HS3ST3A1: variants seen among roughly 807,000 people sequenced by gnomAD.
HS3ST3A1 encodes the protein heparan sulfate glucosamine 3-O-sulfotransferase 3A1.
In HS3ST3A1, 19 loss-of-function variants were observed where a neutral mutation model predicts 25.7. The observed-to-expected ratio is 0.74, with a 90% CI of 0.52 to 1.08. The LOEUF (loss-of-function observed/expected upper bound fraction) is 1.08. HS3ST3A1 is among the 50% of genes least tolerant of loss of function. HS3ST3A1 has a pLI of 0.00. For synonymous variants in HS3ST3A1, 226 were observed against 278.6 expected, an observed-to-expected ratio of 0.81 and a Z score of 1.88; for missense variants, 459 against 594.3, an observed-to-expected ratio of 0.77 and a Z score of 2.37.
intron 1 of HS3ST3A1, among the ~76,000 whole-genome samples, chr17:13,577,729 A>G (rs890896783): frequency 2.0e-5 from 3 of 152,242 alleles, no homozygotes; most frequent in Admixed American, 1.3e-4. Context: ...AATTAATGGC[A>G]AAGCCACGGC....
chr17:13,573,893 T>C (rs867730081), intron 1 of HS3ST3A1, among the ~76,000 whole-genome samples: 13 of 152,162 alleles, frequency 8.5e-5, no homozygotes, highest in African/African-American at 2.9e-4. Context: ...TATGTGAGAA[T>C]ACACAAGAAG....
At chr17:13,567,935 G>A (rs1344167446) in intron 1 of HS3ST3A1, among the ~76,000 whole-genome samples, 3 of 152,192 alleles carry the variant, frequency 2.0e-5, no homozygotes, top group Non-Finnish European at 2.9e-5. Flanking sequence ...GGATTTGAGA[G>A]GACTGACTCC....
At chr17:13,541,470 T>C (rs1215035606) in intron 1 of HS3ST3A1, among the ~76,000 whole-genome samples, 1 of 152,152 alleles carries the variant, frequency 6.6e-6, no homozygotes, top group South Asian at 2.1e-4. Flanking sequence ...GGTACACACA[T>C]TGGGAATGGA....
chr17:13,581,146 C>T (rs1598432425), intron 1 of HS3ST3A1, among the ~76,000 whole-genome samples: 1 of 152,062 alleles, frequency 6.6e-6, no homozygotes, highest in East Asian at 1.9e-4. Flanking sequence ...CATTTCAATA[C>T]AAGCATTACA....
chr17:13,590,839 A>G (rs1346574017), intron 1 of HS3ST3A1, among the ~76,000 whole-genome samples: 1 of 152,160 alleles, frequency 6.6e-6, no homozygotes, highest in Admixed American at 6.5e-5. Context: ...TCCAAAGGTG[A>G]AAATATGGAA....
chr17:13,540,921 T>G (rs370864255), intron 1 of HS3ST3A1, among the ~76,000 whole-genome samples: 1 of 152,238 alleles, frequency 6.6e-6, no homozygotes, highest in Admixed American at 6.5e-5. Flanking sequence ...TCATTTGAAC[T>G]AGGAGTTCTA....
At position 13,601,155 on chromosome 17, in the gene HS3ST3A1, C is replaced by A. The variant is rs772588528; in HGVS notation, c.-26G>T. On this transcript the variant is annotated 5_prime_UTR_variant, in exon 1 of 2. Transcript: ENST00000284110. The stretch of plus-strand genomic sequence containing the variant: ...CCTAGCCGGAGGCGACGTCGGGCAA[C>A]GCGCCGGCCATGCTAGGCCTGGACC... 6 of 1,484,058 alleles carry A rather than the reference C, an allele frequency of 4.0e-6. No individual in the cohort carries two copies. In the East Asian group the frequency reaches 1.3e-4, roughly 33 times the overall value. 91.9% of individuals were successfully genotyped at this position (1,484,058 alleles called of 1,614,324 possible).
chr17:13,504,466 T>C (rs1905590138), intron 1 of HS3ST3A1, among the ~76,000 whole-genome samples: 1 of 152,162 alleles, frequency 6.6e-6, no homozygotes, highest in South Asian at 2.1e-4. Flanking sequence ...AAAATGGTGG[T>C]TACCCTTAGG....
rs11440630 is a variant in HS3ST3A1, at chr17:13,522,231, T to TAAA, written c.600-25416_600-25414dup. Among the ~76,000 whole-genome samples the TAAA allele has an allele frequency of 5.7e-4, 84 of 148,298 alleles. No homozygotes were observed. The South Asian group carries it at 7.5e-3, about 13-fold the overall frequency. ...TGCAGATAAATAACATGGATTATGGTAAAAAAAAAAAAGTTAACAATACCG... is the reference window on the plus strand; with the variant it reads ...TGCAGATAAATAACATGGATTATGGTAAAAAAAAAAAAAAAGTTAACAATACCG... On this transcript the variant is annotated intron_variant, in intron 1 of 1. Coordinates refer to ENST00000284110, the MANE Select transcript of HS3ST3A1 (RefSeq NM_006042.3).
intron 1 of HS3ST3A1, among the ~76,000 whole-genome samples, chr17:13,520,539 G>A (rs936531415): frequency 2.0e-5 from 3 of 152,084 alleles, no homozygotes; most frequent in Non-Finnish European, 4.4e-5. Flanking sequence ...ATCCCAACCA[G>A]TCTATGTCTG....
chr17:13,596,035 C>A (rs927465446), intron 1 of HS3ST3A1, among the ~76,000 whole-genome samples: 2 of 152,120 alleles, frequency 1.3e-5, no homozygotes, highest in African/African-American at 4.8e-5. Flanking sequence ...CCTGGCCAAT[C>A]AACAGACTTA....
At chr17:13,534,894 C>T (rs1343276533) in intron 1 of HS3ST3A1, among the ~76,000 whole-genome samples, 11 of 152,060 alleles carry the variant, frequency 7.2e-5, no homozygotes, top group Admixed American at 1.3e-4. Context: ...GGTGTGGTGG[C>T]GCATGCCTGT....
chr17:13,601,244 C>A lies in HS3ST3A1; in HGVS notation c.-115G>T. On this transcript the variant is annotated 5_prime_UTR_variant, in exon 1 of 2. Transcript: ENST00000284110. ...GCTGGACGGAGGCCACATCGCCGTGCGCCCCTGTGGCCGTGCGAACTGTCC... is the reference window on the plus strand; with the variant it reads ...GCTGGACGGAGGCCACATCGCCGTGAGCCCCTGTGGCCGTGCGAACTGTCC... 1.3e-6 allele frequency: 1 copy of A among 763,564 alleles called. No individual in the cohort carries two copies. Among genetic ancestry groups the A allele is most frequent in the South Asian group, 2.1e-5 (1 of 46,712 alleles). The allele number at this position is 763,564 out of a possible 1,614,324, so 47.3% of individuals were successfully genotyped here. A position where few individuals can be genotyped will look rare whatever the true frequency, so the allele number is the denominator to read the frequency against.
At chr17:13,500,160 T>G (rs751196623) in intron 1 of HS3ST3A1, among the ~76,000 whole-genome samples, 8 of 152,212 alleles carry the variant, frequency 5.3e-5, no homozygotes, top group Non-Finnish European at 1.2e-4. Context: ...AGCACCACAC[T>G]GTCATATAAA....
At chr17:13,520,379 A>T (rs1221783240) in intron 1 of HS3ST3A1, among the ~76,000 whole-genome samples, 1 of 152,212 alleles carries the variant, frequency 6.6e-6, no homozygotes, top group Non-Finnish European at 1.5e-5. Context: ...AAGGGAAACA[A>T]ACCTTTGAAA....
At chr17:13,587,765 T>A (rs1487048088) in intron 1 of HS3ST3A1, among the ~76,000 whole-genome samples, 1 of 152,114 alleles carries the variant, frequency 6.6e-6, no homozygotes, top group Non-Finnish European at 1.5e-5. Context: ...TTGATTGGTG[T>A]TTATGTCTAT....
rs977530011 is a variant in HS3ST3A1, at chr17:13,496,140, C to T, written c.*57G>A. The stretch of plus-strand genomic sequence containing the variant: ...AAATATTAAACTGTCTCTTCTCTAC[C>T]GATTGGTAAAAAAATATATTATATT... On this transcript the variant is annotated 3_prime_UTR_variant, in exon 2 of 2. Coordinates refer to ENST00000284110, the MANE Select transcript of HS3ST3A1 (RefSeq NM_006042.3). 13 of 1,439,868 alleles carry T rather than the reference C, an allele frequency of 9.0e-6. No homozygotes were observed. Among genetic ancestry groups the T allele is most frequent in the Non-Finnish European group, 1.2e-5 (13 of 1,091,482 alleles). The allele number at this position is 1,439,868 out of a possible 1,614,324, so 89.2% of individuals were successfully genotyped here.
intron 1 of HS3ST3A1, among the ~76,000 whole-genome samples, chr17:13,594,488 C>G (rs575461926): frequency 6.6e-6 from 1 of 152,270 alleles, no homozygotes; most frequent in African/African-American, 2.4e-5. Flanking sequence ...TGACAGGATC[C>G]TCCTCCAGAG....
At chr17:13,575,205 C>T (rs1907921938) in intron 1 of HS3ST3A1, among the ~76,000 whole-genome samples, 1 of 152,138 alleles carries the variant, frequency 6.6e-6, no homozygotes, top group African/African-American at 2.4e-5. Flanking sequence ...TGTGTACTAC[C>T]CATGCTGAGG....
Sources: allele counts gnomAD v4.1 joint callset (sites outside exome capture counted in the v4.1 genomes callset), GRCh38; gene constraint gnomAD v4.1.1; transcripts MANE v1.5; gene names NCBI Gene and HGNC (gene_info 2026-07-23, HGNC 2026-07-21).